Variants in MAPT observed in about 807,000 individuals in gnomAD.
MAPT encodes the protein microtubule associated protein tau.
In MAPT, 34 loss-of-function variants were observed where a neutral mutation model predicts 67.9. The observed-to-expected ratio is 0.50, with a 90% confidence interval of 0.38 to 0.67. MAPT has a LOEUF of 0.67. MAPT is among the 30% of genes least tolerant of loss of function. The probability of loss-of-function intolerance (pLI) is 0.00; values close to 1 mark genes in which losing one functional copy is unlikely to be tolerated. For synonymous variants in MAPT, 456 were observed against 464.5 expected (o/e 0.98, Z 0.23); for missense variants, 881 against 1,115.2 (o/e 0.79, Z 2.99).
At chr17:45,976,666 C>G (rs940702227) in intron 3 of MAPT, 1 of 152,334 alleles carries the variant, frequency 6.6e-6, no homozygotes, top group East Asian at 1.9e-4. Context: ...TTGTAAAACA[C>G]TCCCCATGGT....
At chr17:46,007,053 AC>A (rs2075494021) in intron 9 of MAPT, among the ~76,000 whole-genome samples, 1 of 151,764 alleles carries the variant, frequency 6.6e-6, no homozygotes, top group Admixed American at 6.6e-5. Context: ...GGTGATAGAT[AC>A]CCCATTCACC....
intron 3 of MAPT, chr17:45,978,160 G>C: frequency 1.6e-6 from 1 of 608,172 alleles, no homozygotes; most frequent in Non-Finnish European, 3.0e-6. Flanking sequence ...ACACCTGCAT[G>C]TGGGTGCTGT....
chr17:45,928,281 T>A (rs2066542749), intron 1 of MAPT, among the ~76,000 whole-genome samples: 1 of 152,206 alleles, frequency 6.6e-6, no homozygotes, highest in Admixed American at 6.5e-5. Flanking sequence ...GGCCTTGTCA[T>A]ATACTATTCC....
At position 45,906,902 on chromosome 17, in the gene MAPT, C is replaced by T. The variant is rs2064346839; in HGVS notation, c.-18+12216C>T. Among the ~76,000 whole-genome samples the T allele has an allele frequency of 6.6e-6, 1 of 152,190 alleles. No homozygotes were observed. The highest frequency in any genetic ancestry group is 6.5e-5 in the Admixed American group (1 of 15,274). On this transcript the variant is annotated intron_variant, in intron 1 of 12. Transcript: ENST00000262410. The surrounding 1 kb of genome is among the most constrained non-coding windows in gnomAD (Gnocchi z 4.3). ...TTGCCCCTCTGTTTCCAGTCACACT[C>T]TCACCAGCGATAAAATGATTTTAGA... is the stretch of plus-strand genomic sequence containing the variant.
At chr17:45,934,355 A>G (rs1376380196) in intron 1 of MAPT, among the ~76,000 whole-genome samples, 1 of 152,236 alleles carries the variant, frequency 6.6e-6, no homozygotes, top group Non-Finnish European at 1.5e-5. Flanking sequence ...TAAGTAAAAA[A>G]TAAATTAAAT....
intron 3 of MAPT, chr17:45,973,760 C>G (rs1370301725): frequency 6.5e-6 from 1 of 152,890 alleles, no homozygotes; most frequent in African/African-American, 2.4e-5. Context: ...CCTGCCTCTG[C>G]TGTGAAGGTG....
At chr17:45,912,427 G>C (rs2064860994) in intron 1 of MAPT, among the ~76,000 whole-genome samples, 1 of 152,220 alleles carries the variant, frequency 6.6e-6, no homozygotes, top group Non-Finnish European at 1.5e-5. Context: ...AAGGAAGAGA[G>C]AGATGGAAAA....
intron 8 of MAPT, among the ~76,000 whole-genome samples, chr17:45,994,626 C>A (rs1366289290): frequency 6.6e-6 from 1 of 152,118 alleles, no homozygotes; most frequent in East Asian, 1.9e-4. Context: ...AGTTCAAGAC[C>A]AGCCTGAGCA....
chr17:46,020,401 C>T (rs1245076321), intron 12 of MAPT, among the ~76,000 whole-genome samples: 1 of 152,204 alleles, frequency 6.6e-6, no homozygotes, highest in Admixed American at 6.5e-5. Flanking sequence ...CGCAGCCAAG[C>T]ACCCTCTGGG....
At chr17:45,957,662 G>C (rs1458433253) in intron 1 of MAPT, among the ~76,000 whole-genome samples, 1 of 152,224 alleles carries the variant, frequency 6.6e-6, no homozygotes, top group African/African-American at 2.4e-5. Context: ...AGCCCAGGGA[G>C]ACGTGGCCGT....
Position 45,931,417 on chromosome 17 carries a change from AAAGGGAAAAAGCAC to A in MAPT, c.-17-30900_-17-30887del, listed in dbSNP as rs1339391954. Reference sequence around the variant, plus strand: ...TAAAAAGTAAATATTATACTACAAAAAAGGGAAAAAGCACAAGCATTTATTAAATAGCTTTCTAT... The same window carrying A: ...TAAAAAGTAAATATTATACTACAAAAAAGCATTTATTAAATAGCTTTCTAT... On this transcript the variant is annotated intron_variant, in intron 1 of 12. Transcript: ENST00000262410. 2.0e-5 allele frequency among the ~76,000 whole-genome samples: 3 copies of A among 152,212 alleles called. No homozygotes were observed. In the East Asian group the frequency reaches 5.8e-4, roughly 29 times the overall value.
intron 11 of MAPT, among the ~76,000 whole-genome samples, chr17:46,014,600 C>T (rs374474404): frequency 2.0e-4 from 30 of 152,110 alleles, no homozygotes; most frequent in Admixed American, 1.4e-3. Flanking sequence ...CTCGGCCGGG[C>T]GCTGTGGCTC....
chr17:46,024,481 C>CT lies in MAPT; in HGVS notation c.*312dup. ...AGGCAATTCCTTTTGATTCTTTTTTCTTCCCCCTCCATGTAGAAGAGGGAG... is the reference window on the plus strand; with the variant it reads ...AGGCAATTCCTTTTGATTCTTTTTTCTTTCCCCCTCCATGTAGAAGAGGGAG... On this transcript the variant is annotated 3_prime_UTR_variant, in exon 13 of 13. Transcript: ENST00000262410. 5 of 462,902 alleles carry CT rather than the reference C, an allele frequency of 1.1e-5. No individual in the cohort carries two copies. The highest frequency in any genetic ancestry group is 2.0e-5 in the Non-Finnish European group (5 of 251,794). The allele number at this position is 462,902 out of a possible 1,614,324, so 28.7% of individuals were successfully genotyped here.
intron 1 of MAPT, among the ~76,000 whole-genome samples, chr17:45,909,760 A>G (rs2064615147): frequency 6.6e-6 from 1 of 151,060 alleles, no homozygotes; most frequent in South Asian, 2.1e-4. Context: ...AATCCTGGCT[A>G]CTAGGGAGGC....
At chr17:45,991,706 G>A in intron 8 of MAPT, 120 bp downstream of exon 8, 1 of 1,388,844 alleles carries the variant, frequency 7.2e-7, no homozygotes, top group East Asian at 2.4e-5. Context: ...TCAGCAGCTT[G>A]CAGTTTACTA....
Position 45,996,298 on chromosome 17 carries a change from G to A in MAPT, c.1733-101G>A. 7.4e-7 allele frequency: 1 copy of A among 1,354,460 alleles called. No individual in the cohort carries two copies. Among genetic ancestry groups the A allele is most frequent in the South Asian group, 1.2e-5 (1 of 85,364 alleles). The allele number at this position is 1,354,460 out of a possible 1,614,324, so 83.9% of individuals were successfully genotyped here. ...ACCTGGCTTCCACCTGCCTAACCCA[G>A]TGGTGAGCCTGGGAATGGACCCACG... On this transcript the variant is annotated intron_variant, in intron 8 of 12. Coordinates refer to ENST00000262410, the MANE Select transcript of MAPT (RefSeq NM_001377265.1). The surrounding 1 kb of genome is among the most constrained non-coding windows in gnomAD (Gnocchi z 4.5).
chr17:45,955,451 A>G (rs2069530277), intron 1 of MAPT, among the ~76,000 whole-genome samples: 1 of 152,178 alleles, frequency 6.6e-6, no homozygotes, highest in African/African-American at 2.4e-5. Context: ...CTGCTGCCAA[A>G]TTCACCGAGG....
Position 45,896,448 on chromosome 17 carries a change from T to C in MAPT, c.-18+1762T>C. The C allele has an allele frequency of 6.6e-6, 1 of 152,372 alleles. No individual in the cohort carries two copies. The highest frequency in any genetic ancestry group is 1.5e-5 in the Non-Finnish European group (1 of 68,116). 9.4% of individuals were successfully genotyped at this position (152,372 alleles called of 1,614,324 possible). Reference sequence around the variant, plus strand: ...GGCCGGAGAATGTGAGGAAGGGGCATAAGGTTACTGGTGCTTCGGCCACAC... The same window carrying C: ...GGCCGGAGAATGTGAGGAAGGGGCACAAGGTTACTGGTGCTTCGGCCACAC... On this transcript the variant is annotated intron_variant, in intron 1 of 12. Coordinates refer to ENST00000262410, the MANE Select transcript of MAPT (RefSeq NM_001377265.1). This position sits in a 1 kb window ranked among gnomAD's most constrained non-coding sequence, Gnocchi z 5.6.
chr17:46,008,769 T>C (rs975002263), intron 9 of MAPT, among the ~76,000 whole-genome samples: 23 of 152,152 alleles, frequency 1.5e-4, no homozygotes, highest in African/African-American at 5.6e-4. Context: ...TCCAGGGCAG[T>C]GGTTTCCACC....
Sources: allele counts gnomAD v4.1 joint callset (sites outside exome capture counted in the v4.1 genomes callset), GRCh38; gene constraint gnomAD v4.1.1; non-coding constraint Gnocchi (gnomAD v3.1); transcripts MANE v1.5; gene names NCBI Gene and HGNC (gene_info 2026-07-23, HGNC 2026-07-21).